ATL1: variants seen among roughly 807,000 people sequenced by gnomAD.
ATL1 encodes the protein atlastin-1.
In ATL1, 31 loss-of-function variants were observed where a neutral mutation model predicts 75.5. The ratio of observed to expected loss-of-function variants is 0.41; its 90% CI spans 0.31 to 0.55. The LOEUF (loss-of-function observed/expected upper bound fraction) is 0.55, where lower values mean the gene tolerates loss of function less well. Among genes scored for constraint, ATL1 ranks in the 20% least tolerant of loss-of-function variants. The pLI, the probability that ATL1 is intolerant of heterozygous loss-of-function variation, is 0.27. For synonymous variants in ATL1, 226 were observed against 233.3 expected, an observed-to-expected ratio of 0.97 and a Z score of 0.28; for missense variants, 405 against 662.6, an observed-to-expected ratio of 0.61 and a Z score of 4.27.
chr14:50,574,941 A>C (rs896486565), intron 1 of ATL1, among the ~76,000 whole-genome samples: 1 of 75,808 alleles, frequency 1.3e-5, no homozygotes, highest in African/African-American at 5.3e-5. Context: ...GTGTGTGTAT[A>C]TATATATATA....
At chr14:50,614,613 T>G in intron 8 of ATL1, 102 bp downstream of exon 8, 1 of 1,284,460 alleles carries the variant, frequency 7.8e-7, no homozygotes. Context: ...TATCCACTGA[T>G]AGGAGGCTGA....
At chr14:50,583,472 G>C (rs2140197261) in intron 1 of ATL1, among the ~76,000 whole-genome samples, 1 of 152,264 alleles carries the variant, frequency 6.6e-6, no homozygotes, top group Non-Finnish European at 1.5e-5. Context: ...ACCAGTCATA[G>C]TTAGCAACAA....
intron 8 of ATL1, among the ~76,000 whole-genome samples, chr14:50,619,500 GC>G (rs1388575797): frequency 6.6e-6 from 1 of 152,140 alleles, no homozygotes; most frequent in East Asian, 1.9e-4. Flanking sequence ...ACTGCACCCG[GC>G]CCCAATTTTT....
At chr14:50,557,796 C>T (rs1255526218), upstream of ATL1, among the ~76,000 whole-genome samples, 3 of 152,306 alleles carry the variant, frequency 2.0e-5, no homozygotes, top group East Asian at 1.9e-4. Flanking sequence ...CTAGCACCCA[C>T]GTCTTGGTTT....
intron 4 of ATL1, among the ~76,000 whole-genome samples, chr14:50,592,089 C>A (rs1449597475): frequency 6.6e-6 from 1 of 152,076 alleles, no homozygotes; most frequent in Non-Finnish European, 1.5e-5. Flanking sequence ...CCTTAATGTA[C>A]ATTTAGGAAA....
intron 7 of ATL1, 146 bp from the exon 8 acceptor site, chr14:50,614,227 G>GA: frequency 2.2e-6 from 2 of 901,106 alleles, no homozygotes; most frequent in Admixed American, 4.2e-5. Flanking sequence ...ACCCACCCAA[G>GA]ACTTTCTTCT....
intron 1 of ATL1, among the ~76,000 whole-genome samples, chr14:50,550,982 A>T (rs1490794853): frequency 6.6e-6 from 1 of 152,174 alleles, no homozygotes; most frequent in African/African-American, 2.4e-5. Context: ...GGAACTAGAG[A>T]AACAAGAACC....
chr14:50,605,606 A>C (rs1295504475), intron 6 of ATL1, among the ~76,000 whole-genome samples: 1 of 151,964 alleles, frequency 6.6e-6, no homozygotes. Context: ...ATTTAAGAGA[A>C]AGTCTTCCAA....
At chr14:50,623,631 C>A (rs2039489345) in intron 11 of ATL1, among the ~76,000 whole-genome samples, 2 of 151,242 alleles carry the variant, frequency 1.3e-5, no homozygotes, top group African/African-American at 4.9e-5. Flanking sequence ...AAAAAAAAAA[C>A]AAAAACCCTA....
chr14:50,597,414 T>C (rs994587920), intron 6 of ATL1, among the ~76,000 whole-genome samples: 6 of 151,954 alleles, frequency 3.9e-5, no homozygotes, highest in African/African-American at 1.5e-4. Context: ...TGAGCAAAAC[T>C]AAACAATATG....
At chr14:50,599,666 G>A (rs184735150) in intron 6 of ATL1, among the ~76,000 whole-genome samples, 1 of 152,278 alleles carries the variant, frequency 6.6e-6, no homozygotes, top group Admixed American at 6.5e-5. Context: ...GCATAGAGTA[G>A]CATGAATAGA....
intron 8 of ATL1, among the ~76,000 whole-genome samples, chr14:50,616,455 GTTATTTATTTATTTATTTATTTAT>G (rs200056004): frequency 5.1e-4 from 72 of 141,342 alleles, no homozygotes; most frequent in African/African-American, 1.7e-3. Flanking sequence ...ACCATGCCCG[GTTATTTATTTATTTATTTATTTAT>G]TTATTTATTT....
chr14:50,618,888 T>C (rs1013651493), intron 8 of ATL1, among the ~76,000 whole-genome samples: 2 of 132,952 alleles, frequency 1.5e-5, no homozygotes, highest in African/African-American at 7.3e-5. Context: ...TATATATATA[T>C]ATATTTTTTT....
intron 1 of ATL1, among the ~76,000 whole-genome samples, chr14:50,535,572 A>G (rs911354213): frequency 6.3e-5 from 9 of 143,626 alleles, no homozygotes; most frequent in African/African-American, 2.3e-4. Flanking sequence ...TTAAATAATT[A>G]TTATTAAACT....
rs148538316 is a variant in ATL1 at position 50,613,667 on chromosome 14, A to G, written c.723+316A>G. ...ATCCCTGGAGTCAATCTTAGAGCAC[A>G]GAATGTAAAATTAGAAGACCTTCCA... On this transcript the variant is annotated intron_variant, in intron 7 of 13. Transcript: ENST00000358385. Among the ~76,000 whole-genome samples the G allele has an allele frequency of 2.0e-3, 302 of 152,344 alleles. 4 individuals are homozygous for G. Among genetic ancestry groups the G allele is most frequent in the Non-Finnish European group, 2.8e-3 (192 of 68,028 alleles).
At chr14:50,533,288 A>G (rs2038445120) in exon 1 of ATL1, 2 of 151,824 alleles carry the variant, frequency 1.3e-5, no homozygotes, top group African/African-American at 2.4e-5. Context: ...TTCTGGTTCT[A>G]CCACTTCCTC....
At chr14:50,536,105 C>A (rs189721587) in intron 1 of ATL1, among the ~76,000 whole-genome samples, 1 of 152,278 alleles carries the variant, frequency 6.6e-6, no homozygotes, top group Admixed American at 6.5e-5. Flanking sequence ...TTGTAGATTG[C>A]CCGGTCTCAG....
At chr14:50,621,709 AT>A (rs1250047625) in intron 9 of ATL1, 133 bp from the exon 10 acceptor site, 2 of 672,142 alleles carry the variant, frequency 3.0e-6, no homozygotes, top group African/African-American at 3.7e-5. Context: ...GAATTTAAGT[AT>A]GAGAAAGATA....
At chr14:50,630,251 A>G (rs2039567356) in intron 13 of ATL1, among the ~76,000 whole-genome samples, 1 of 152,224 alleles carries the variant, frequency 6.6e-6, no homozygotes, top group Non-Finnish European at 1.5e-5. Context: ...TATCATCAGT[A>G]TTTGTTTCAT....
Sources: allele counts gnomAD v4.1 joint callset (sites outside exome capture counted in the v4.1 genomes callset), GRCh38; gene constraint gnomAD v4.1.1; transcripts MANE v1.5; gene names NCBI Gene and HGNC (gene_info 2026-07-23, HGNC 2026-07-21).